PRP4K: variants seen among roughly 807,000 people sequenced by gnomAD.
PRP4K encodes the protein pre-mRNA processing factor kinase PRP4K.
chr6:4,027,571 C>T, the PRP4K span, among the ~76,000 whole-genome samples: 2 of 115,916 alleles, frequency 1.7e-5, no homozygotes, highest in Non-Finnish European at 3.2e-5. Context: ...AGCATCTATA[C>T]AATAATAATA....
chr6:4,040,743 T>C, the PRP4K span: 18 of 1,603,654 alleles, frequency 1.1e-5, no homozygotes, highest in Admixed American at 2.8e-4. Flanking sequence ...TTTAAAAAAA[T>C]GTATACCTGT....
the PRP4K span, among the ~76,000 whole-genome samples, chr6:4,039,907 C>T: frequency 8.2e-6 from 1 of 121,218 alleles, no homozygotes; most frequent in Non-Finnish European, 1.6e-5. Context: ...CTCCTCTTTT[C>T]TTTTCTTTCT....
the PRP4K span, among the ~76,000 whole-genome samples, chr6:4,046,516 T>G: frequency 6.6e-6 from 1 of 152,210 alleles, no homozygotes; most frequent in African/African-American, 2.4e-5. Flanking sequence ...TTTAGATCTA[T>G]AGTTGAAATA....
the PRP4K span, among the ~76,000 whole-genome samples, chr6:4,026,580 G>A: frequency 6.6e-6 from 1 of 152,144 alleles, no homozygotes; most frequent in African/African-American, 2.4e-5. Context: ...TGGGTTTACA[G>A]GTGTGAGCCA....
chr6:4,024,196 A>G, the PRP4K span, among the ~76,000 whole-genome samples: 1 of 152,052 alleles, frequency 6.6e-6, no homozygotes, highest in African/African-American at 2.4e-5. Flanking sequence ...ATTTTTGTAG[A>G]GGCAGAGTCT....
chr6:4,030,677 G>C, the PRP4K span, among the ~76,000 whole-genome samples: 1 of 152,204 alleles, frequency 6.6e-6, no homozygotes, highest in African/African-American at 2.4e-5. Context: ...ATCTGTTAAT[G>C]TAAATGTATT....
chr6:4,028,497 C>T, the PRP4K span, among the ~76,000 whole-genome samples: 1 of 152,110 alleles, frequency 6.6e-6, no homozygotes, highest in African/African-American at 2.4e-5. Context: ...TGAACCACTG[C>T]ACATGGCCTG....
At chr6:4,053,903 T>TTTTTTGTTTTG in the PRP4K span, among the ~76,000 whole-genome samples, 6 of 149,504 alleles carry the variant, frequency 4.0e-5, no homozygotes, top group South Asian at 4.2e-4. Context: ...TCTTTTGTTT[T>TTTTTTGTTTTG]TTTTGTTTTG....
the PRP4K span, among the ~76,000 whole-genome samples, chr6:4,034,061 A>G: frequency 6.6e-6 from 1 of 152,134 alleles, no homozygotes; most frequent in Non-Finnish European, 1.5e-5. Context: ...ATAAGCCTGT[A>G]AATTGTCTCC....
At chr6:4,030,007 A>G in the PRP4K span, among the ~76,000 whole-genome samples, 7 of 151,496 alleles carry the variant, frequency 4.6e-5, no homozygotes, top group African/African-American at 7.3e-5. Context: ...CAATGGCGCA[A>G]TCTTGGCTCA....
the PRP4K span, chr6:4,059,028 G>T: frequency 2.1e-6 from 1 of 467,590 alleles, no homozygotes; most frequent in Non-Finnish European, 3.8e-6. Context: ...TTTATTATAG[G>T]TCATATTTAG....
At chr6:4,035,161 G>C in the PRP4K span, among the ~76,000 whole-genome samples, 6 of 151,668 alleles carry the variant, frequency 4.0e-5, no homozygotes, top group Non-Finnish European at 7.4e-5. Flanking sequence ...CTGTCGCCCA[G>C]GCTGGAGTGC....
At chr6:4,057,122 C>G in the PRP4K span, 27 of 1,613,498 alleles carry the variant, frequency 1.7e-5, no homozygotes, top group Admixed American at 2.5e-4. Context: ...AATTTTATTC[C>G]CTGGCAAAAC....
the PRP4K span, among the ~76,000 whole-genome samples, chr6:4,034,870 GC>G: frequency 6.6e-6 from 1 of 150,750 alleles, no homozygotes; most frequent in African/African-American, 2.4e-5. Flanking sequence ...GCACCACCAT[GC>G]CCAGCTAATT....
chr6:4,063,713 T>G, the PRP4K span: 1 of 152,166 alleles, frequency 6.6e-6, no homozygotes, highest in Non-Finnish European at 1.5e-5. Flanking sequence ...TTATGTACGT[T>G]ACATGATTTT....
At chr6:4,056,294 A>G in the PRP4K span, 1 of 1,516,384 alleles carries the variant, frequency 6.6e-7, no homozygotes, top group South Asian at 1.1e-5. Context: ...GGCTTGAATT[A>G]AATTCCCTTG....
chr6:4,030,611 C>A, the PRP4K span, among the ~76,000 whole-genome samples: 1 of 152,220 alleles, frequency 6.6e-6, no homozygotes, highest in Admixed American at 6.5e-5. Flanking sequence ...TTTAACTCAG[C>A]ATAAGCCAAA....
At chr6:4,030,705 C>T in the PRP4K span, among the ~76,000 whole-genome samples, 1 of 152,174 alleles carries the variant, frequency 6.6e-6, no homozygotes, top group Non-Finnish European at 1.5e-5. Flanking sequence ...ACTGAGTTCT[C>T]ATTTGAAATT....
the PRP4K span, among the ~76,000 whole-genome samples, chr6:4,039,883 C>T: frequency 7.2e-6 from 1 of 139,548 alleles, no homozygotes; most frequent in Non-Finnish European, 1.5e-5. Context: ...TCTCTCTCCT[C>T]TCCCCTCTCC....
Sources: gnomAD v4.1 joint callset for allele counts (sites outside exome capture counted in the v4.1 genomes callset) on GRCh38, gnomAD v4.1.1 for gene constraint, MANE v1.5 for transcripts, NCBI Gene and HGNC (gene_info 2026-07-23, HGNC 2026-07-21) for gene names.